FGF13: variants seen among roughly 807,000 people sequenced by gnomAD.
FGF13 encodes fibroblast growth factor 13, also known as fibroblast growth factor homologous factor 2.
A neutral mutation model predicts 19.5 loss-of-function variants in FGF13; 2 were observed. The ratio of observed to expected loss-of-function variants is 0.10; its 90% CI spans 0.04 to 0.32. FGF13 has a LOEUF of 0.32. Among genes scored for constraint, FGF13 ranks in the 10% least tolerant of loss-of-function variants. FGF13 has a pLI of 1.00. For missense variants in FGF13, 113 were observed against 192.7 expected (o/e 0.59, Z 2.45); for synonymous variants, 72 against 76.9 (o/e 0.94, Z 0.33).
At chrX:139,080,671 G>C (rs746860823) in intron 1 of FGF13, among the ~76,000 whole-genome samples, 12 of 111,983 alleles carry the variant, frequency 1.1e-4, no homozygotes, top group African/African-American at 3.6e-4. Flanking sequence ...TACCCCAAGT[G>C]TGGGCCATCG....
chrX:138,913,674 AAGGAAGGAAG>A (rs1252142503), intron 1 of FGF13, among the ~76,000 whole-genome samples: 310 of 103,261 alleles, frequency 3.0e-3, no homozygotes, highest in Non-Finnish European at 5.1e-3. Flanking sequence ...GGAAGGAAGG[AAGGAAGGAAG>A]GAAGGAAGGA....
intron 3 of FGF13, among the ~76,000 whole-genome samples, chrX:138,746,416 TA>T (rs369714846): frequency 0.012 from 1,292 of 104,241 alleles, 16 homozygotes; most frequent in East Asian, 0.034. Flanking sequence ...TCATTGTCTA[TA>T]AAAAAAAAAA....
intron 1 of FGF13, among the ~76,000 whole-genome samples, chrX:139,043,890 C>T (rs929603391): frequency 8.9e-6 from 1 of 111,821 alleles, no homozygotes; most frequent in African/African-American, 3.3e-5. Flanking sequence ...TTACATGATG[C>T]TATTCATATG....
In FGF13 at chrX:139,015,386, G is replaced by C. The variant is rs144829956; in HGVS notation, c.-112-150736C>G. Among the ~76,000 whole-genome samples, 438 of 110,852 alleles carry C rather than the reference G, an allele frequency of 4.0e-3. 1 individual carries two copies. The highest frequency in any genetic ancestry group is 0.013 in the African/African-American group (412 of 30,623). On this transcript the variant is annotated intron_variant, in intron 1 of 2. Coordinates refer to the FGF13 transcript ENST00000421460. ...ATTCAGTAAAGTTGCAGGATACAAA[G>C]TCAACATACAAAAATCAGTAGCATT...
chrX:138,925,556 C>A (rs1352468324), intron 1 of FGF13, among the ~76,000 whole-genome samples: 4 of 111,673 alleles, frequency 3.6e-5, no homozygotes, highest in Non-Finnish European at 5.6e-5. Context: ...TTCCTCTATG[C>A]AAGGCAAAGT....
intron 3 of FGF13, among the ~76,000 whole-genome samples, chrX:138,795,965 G>A (rs933051520): frequency 8.9e-6 from 1 of 111,776 alleles, no homozygotes; most frequent in Admixed American, 9.5e-5. Context: ...ATAATAAAGG[G>A]AGAGAATGAT....
intron 1 of FGF13, among the ~76,000 whole-genome samples, chrX:138,995,553 C>T (rs1457423152): frequency 8.9e-6 from 1 of 112,215 alleles, no homozygotes; most frequent in Admixed American, 9.4e-5. Flanking sequence ...CAAATGAGAA[C>T]ATACAGTGTT....
intron 1 of FGF13, among the ~76,000 whole-genome samples, chrX:138,941,939 T>C (rs1183393877): frequency 8.9e-6 from 1 of 112,157 alleles, no homozygotes; most frequent in Non-Finnish European, 1.9e-5. Flanking sequence ...TCTATGTACT[T>C]GTGTCAGAAT....
chrX:139,106,049 T>G lies in FGF13; in HGVS notation c.-113+97367A>C, dbSNP rs557337244. 5.3e-5 allele frequency among the ~76,000 whole-genome samples: 6 copies of G among 112,269 alleles called. No individual in the cohort carries two copies. The South Asian group carries it at 2.2e-3, about 41-fold the overall frequency. The stretch of plus-strand genomic sequence containing the variant: ...GTTGGCAATAGCAGCATTCCAGAGA[T>G]AGAGTGACACTGCATGGGAATGCTA... On this transcript the variant is annotated intron_variant, in intron 1 of 2. Coordinates refer to the FGF13 transcript ENST00000421460.
rs145211613 is a variant in FGF13, at chrX:138,763,411, T to G, written c.218-54483A>C. 5.4e-5 allele frequency among the ~76,000 whole-genome samples: 6 copies of G among 111,809 alleles called. No individual in the cohort carries two copies. The East Asian group carries it at 1.7e-3, about 32-fold the overall frequency. ...GTTTGGGGACCGATAGAGAACACAC[T>G]CCACAAGTGTTTGTAGTCCTTGCAT... On this transcript the variant is annotated intron_variant, in intron 3 of 6. Transcript: ENST00000436198.
intron 3 of FGF13, among the ~76,000 whole-genome samples, chrX:138,802,282 T>C (rs1290074902): frequency 3.6e-5 from 4 of 111,686 alleles, no homozygotes; most frequent in African/African-American, 1.3e-4. Flanking sequence ...GCAAAAACCA[T>C]GGGAAAAGCA....
At chrX:138,800,037 T>A (rs1448577481) in intron 3 of FGF13, among the ~76,000 whole-genome samples, 1 of 111,753 alleles carries the variant, frequency 8.9e-6, no homozygotes, top group Non-Finnish European at 1.9e-5. Flanking sequence ...AATTTGCGAG[T>A]CTGTGTCTGT....
chrX:138,883,353 G>A (rs888951376), intron 1 of FGF13, among the ~76,000 whole-genome samples: 4 of 111,525 alleles, frequency 3.6e-5, no homozygotes, highest in Non-Finnish European at 5.6e-5. Flanking sequence ...GACCAGAGAC[G>A]AGTACATGTG....
chrX:138,652,665 G>A lies in FGF13; in HGVS notation c.403-17010C>T, dbSNP rs376668877. On this transcript the variant is annotated intron_variant, in intron 3 of 4. Coordinates refer to ENST00000315930, the MANE Select transcript of FGF13 (RefSeq NM_004114.5). ...GGACTTTAATTTTCACTGCTGTTAC[G>A]AACTGCATTAAAATTATAAATCAGC... Among the ~76,000 whole-genome samples, 7 of 111,829 alleles carry A rather than the reference G, an allele frequency of 6.3e-5. No individual in the cohort carries two copies. In the South Asian group the frequency reaches 2.2e-3, roughly 36 times the overall value.
rs1161139513 is a variant in FGF13 at position 138,616,273 on chromosome X, T to TA, written c.*16576dup. On this transcript the variant is annotated 3_prime_UTR_variant, in exon 5 of 5. Transcript: ENST00000315930. ...ATACAATGGGGGTACAGGAATTGAG[T>TA]AAAAATACCCATTCCAAATGGGAGA... 1 of 111,961 alleles carries TA rather than the reference T, an allele frequency of 8.9e-6. No homozygotes were observed. The highest frequency in any genetic ancestry group is 1.9e-5 in the Non-Finnish European group (1 of 53,163). The allele number at this position is 111,961 out of a possible 1,213,427, so 9.2% of individuals were successfully genotyped here. A position where few individuals can be genotyped will look rare whatever the true frequency, so the allele number is the denominator to read the frequency against.
intron 1 of FGF13, among the ~76,000 whole-genome samples, chrX:139,070,801 G>A (rs1051876123): frequency 2.7e-5 from 3 of 112,025 alleles, no homozygotes; most frequent in African/African-American, 9.7e-5. Context: ...GGAATACTAT[G>A]CGGCCATATA....
At chrX:138,952,855 A>G (rs2091820812) in intron 1 of FGF13, among the ~76,000 whole-genome samples, 1 of 111,172 alleles carries the variant, frequency 9.0e-6, no homozygotes, top group African/African-American at 3.3e-5. Flanking sequence ...CATCAGAGAA[A>G]TGCAAATCAA....
At chrX:139,164,016 G>T (rs2084057515) in intron 1 of FGF13, among the ~76,000 whole-genome samples, 2 of 110,582 alleles carry the variant, frequency 1.8e-5, no homozygotes, top group Admixed American at 1.9e-4. Context: ...AAGTATTTAT[G>T]ACAACGTTAA....
At chrX:139,062,826 A>T (rs2092340801) in intron 1 of FGF13, among the ~76,000 whole-genome samples, 1 of 112,075 alleles carries the variant, frequency 8.9e-6, no homozygotes, top group African/African-American at 3.2e-5. Context: ...ACTTAGGTAG[A>T]TAGGAATAAG....
Sources: gnomAD v4.1 joint callset for allele counts (sites outside exome capture counted in the v4.1 genomes callset) on GRCh38, gnomAD v4.1.1 for gene constraint, MANE v1.5 for transcripts, NCBI Gene and HGNC (gene_info 2026-07-23, HGNC 2026-07-21) for gene names.